Variants in INSC observed in about 807,000 individuals in gnomAD.
The protein encoded by INSC is protein inscuteable homolog.
A neutral mutation model predicts 58.6 loss-of-function variants in INSC; 67 were observed. The ratio of observed to expected loss-of-function variants is 1.14; its 90% CI spans 0.94 to 1.40. The LOEUF is 1.40. Ranked by LOEUF, INSC falls within the 40% of genes most tolerant of loss-of-function variation. The probability of loss-of-function intolerance (pLI) is 0.00; values close to 1 mark genes in which losing one functional copy is unlikely to be tolerated. For missense variants in INSC, 714 were observed against 692.0 expected (o/e 1.03, Z -0.36); for synonymous variants, 262 against 276.1 (o/e 0.95, Z 0.51).
rs117155980 is a variant in INSC, at chr11:15,168,213, A to G, written c.57-7528A>G. Among the ~76,000 whole-genome samples, 1,115 of 152,230 alleles carry G rather than the reference A, an allele frequency of 7.3e-3. 4 individuals carry two copies. Among genetic ancestry groups the G allele is most frequent in the Non-Finnish European group, 0.013 (892 of 68,004 alleles). ...GGTGGTTTGCTGCAACTATCAACAC[A>G]TTACCTATGTGTTAAGCCCCACATG... On this transcript the variant is annotated intron_variant, in intron 2 of 12. Transcript: ENST00000379556.
chr11:15,172,178 G>T (rs1481864605), intron 2 of INSC, among the ~76,000 whole-genome samples: 1 of 152,238 alleles, frequency 6.6e-6, no homozygotes, highest in Non-Finnish European at 1.5e-5. Context: ...ATGAGTCAGT[G>T]TGCAAGTGAT....
intron 1 of INSC, among the ~76,000 whole-genome samples, chr11:15,148,433 C>T (rs1389929417): frequency 6.6e-6 from 1 of 152,158 alleles, no homozygotes; most frequent in African/African-American, 2.4e-5. Context: ...GAATATGCTC[C>T]CTTGTTCGGG....
At chr11:15,209,525 T>G (rs1713413890) in intron 7 of INSC, among the ~76,000 whole-genome samples, 1 of 152,120 alleles carries the variant, frequency 6.6e-6, no homozygotes, top group Admixed American at 6.5e-5. Context: ...CCCTCCTTGG[T>G]GCTCACACAG....
chr11:15,179,834 C>T (rs1590406989), intron 5 of INSC, among the ~76,000 whole-genome samples: 2 of 152,306 alleles, frequency 1.3e-5, no homozygotes, highest in African/African-American at 4.8e-5. Context: ...GACTGATGAG[C>T]AAGAAATATT....
chr11:15,183,434 A>AGT (rs1849852891), intron 5 of INSC, among the ~76,000 whole-genome samples: 1 of 75,816 alleles, frequency 1.3e-5, no homozygotes, highest in East Asian at 1.4e-3. Flanking sequence ...GATATATTGT[A>AGT]GTGTGTGTAT....
chr11:15,111,833 G>A (rs1847581423), upstream of INSC, among the ~76,000 whole-genome samples: 1 of 152,152 alleles, frequency 6.6e-6, no homozygotes, highest in Admixed American at 6.5e-5. Flanking sequence ...CATGTGTTAG[G>A]CTGTTATTAT....
At chr11:15,147,241 C>G (rs1318345059) in intron 1 of INSC, among the ~76,000 whole-genome samples, 2 of 152,270 alleles carry the variant, frequency 1.3e-5, no homozygotes, top group Admixed American at 1.3e-4. Context: ...CCCTTTCAGC[C>G]TACTGGCTCA....
intron 5 of INSC, among the ~76,000 whole-genome samples, chr11:15,185,346 A>G (rs1158762627): frequency 6.6e-6 from 1 of 152,174 alleles, no homozygotes; most frequent in African/African-American, 2.4e-5. Context: ...TCAATATTCA[A>G]TCACGGATAC....
In INSC at chr11:15,175,801, C is replaced by G. The variant is rs148355976; in HGVS notation, c.117C>G (p.Thr39=). The G allele has an allele frequency of 1.4e-5, 23 of 1,603,386 alleles. No homozygotes were observed. The Admixed American group carries it at 3.7e-4, about 26-fold the overall frequency. Residue 39 remains threonine (T), a synonymous_variant, in exon 3 of 13, where the codon ACC becomes ACG. Coordinates refer to ENST00000379556, the MANE Select transcript of INSC (RefSeq NM_001042536.3). The part of the protein sequence containing the change: ...QRWMEDLKLM[T]ECECMCVLQA... ...GGATGGAAGATCTGAAGCTCATGAC[C>G]GAGTGCGAGTGCATGTGTGTCCTGC...
At chr11:15,133,101 C>G (rs747628317) in intron 1 of INSC, among the ~76,000 whole-genome samples, 5 of 152,132 alleles carry the variant, frequency 3.3e-5, no homozygotes, top group Non-Finnish European at 5.9e-5. Flanking sequence ...ACCATTTCCC[C>G]CATTCTCTCT....
intron 2 of INSC, among the ~76,000 whole-genome samples, chr11:15,165,861 G>A (rs560353527): frequency 6.6e-6 from 1 of 151,960 alleles, no homozygotes; most frequent in Non-Finnish European, 1.5e-5. Context: ...TGCTGAACCA[G>A]TCTTTTGGGG....
Position 15,246,081 on chromosome 11 carries a change from C to A in INSC, c.*41C>A. 6.2e-7 allele frequency: 1 copy of A among 1,611,478 alleles called. No individual in the cohort carries two copies. Among genetic ancestry groups the A allele is most frequent in the Non-Finnish European group, 8.5e-7 (1 of 1,178,082 alleles). ...AAATACATTTGGCTGTTCTCACACC[C>A]CCTCTGACTATGCACCAGTGAACAC... On this transcript the variant is annotated 3_prime_UTR_variant, in exon 13 of 13. Coordinates refer to ENST00000379556, the MANE Select transcript of INSC (RefSeq NM_001042536.3).
chr11:15,149,587 G>T (rs951087817), intron 2 of INSC, among the ~76,000 whole-genome samples: 3 of 152,136 alleles, frequency 2.0e-5, no homozygotes, highest in Admixed American at 6.5e-5. Context: ...TTTGCCCAGA[G>T]CATCAAGGAG....
chr11:15,206,432 C>G (rs1850800882), intron 7 of INSC, among the ~76,000 whole-genome samples: 1 of 152,190 alleles, frequency 6.6e-6, no homozygotes, highest in Non-Finnish European at 1.5e-5. Flanking sequence ...GGCTCCAAGT[C>G]TCCAAGTCTT....
At chr11:15,153,077 C>T (rs552655866) in intron 2 of INSC, among the ~76,000 whole-genome samples, 14 of 152,150 alleles carry the variant, frequency 9.2e-5, no homozygotes, top group Non-Finnish European at 1.5e-4. Flanking sequence ...TTATGGAGTG[C>T]GGGCCATCTG....
chr11:15,210,992 A>C (rs558461935), intron 7 of INSC, among the ~76,000 whole-genome samples: 17 of 152,236 alleles, frequency 1.1e-4, no homozygotes, highest in African/African-American at 4.1e-4. Context: ...TGCTGCCGGC[A>C]AGTGGTGGGT....
At chr11:15,189,266 C>T (rs1850078301) in intron 5 of INSC, among the ~76,000 whole-genome samples, 1 of 152,186 alleles carries the variant, frequency 6.6e-6, no homozygotes, top group Non-Finnish European at 1.5e-5. Flanking sequence ...TATTTAGCTT[C>T]CACCTGGCAG....
chr11:15,209,386 CCA>C (rs770692422), intron 7 of INSC, among the ~76,000 whole-genome samples: 49 of 152,348 alleles, frequency 3.2e-4, no homozygotes, highest in Admixed American at 1.4e-3. Flanking sequence ...AATTTCTCCA[CCA>C]AAGGTCTTTG....
chr11:15,225,178 C>T (rs1851585374), intron 8 of INSC, among the ~76,000 whole-genome samples: 2 of 152,228 alleles, frequency 1.3e-5, no homozygotes, highest in Non-Finnish European at 2.9e-5. Flanking sequence ...TGTAAAGTCA[C>T]ATTCTTAGGG....
Sources: gnomAD v4.1 joint callset for allele counts (sites outside exome capture counted in the v4.1 genomes callset) on GRCh38, gnomAD v4.1.1 for gene constraint, MANE v1.5 for transcripts, NCBI Gene and HGNC (gene_info 2026-07-23, HGNC 2026-07-21) for gene names.